Variants in DPYD observed in about 807,000 individuals in gnomAD.
DPYD encodes dihydropyrimidine dehydrogenase, also known as dihydropyrimidine dehydrogenase [NADP(+)].
Under a neutral mutation model 116.2 loss-of-function variants are expected in DPYD, and 109 were observed. The observed-to-expected ratio is 0.94, with a 90% CI of 0.80 to 1.10. The LOEUF is 1.10. DPYD is among the 50% of genes least tolerant of loss of function. The pLI, the probability that DPYD is intolerant of heterozygous loss-of-function variation, is 0.00. For synonymous variants in DPYD, 440 were observed against 432.0 expected, an observed-to-expected ratio of 1.02 and a Z score of -0.23; for missense variants, 1,302 against 1,254.5, an observed-to-expected ratio of 1.04 and a Z score of -0.57.
intron 4 of DPYD, among the ~76,000 whole-genome samples, chr1:97,738,509 T>C (rs149287603): frequency 1.1e-3 from 167 of 152,224 alleles, no homozygotes; most frequent in African/African-American, 3.8e-3. Flanking sequence ...GTCTGGCGAT[T>C]CAATTACCCT....
intron 3 of DPYD, among the ~76,000 whole-genome samples, chr1:97,766,934 T>C (rs992452482): frequency 6.6e-6 from 1 of 152,032 alleles, no homozygotes; most frequent in African/African-American, 2.4e-5. Context: ...ACTACGAAGG[T>C]CATCATAGAG....
intron 10 of DPYD, 129 bp from the exon 11 acceptor site, chr1:97,574,099 A>T (rs1249712404): frequency 1.4e-6 from 2 of 1,464,084 alleles, no homozygotes; most frequent in East Asian, 5.0e-5. Context: ...TCTTTCACCA[A>T]ACCTGAGTTT....
intron 14 of DPYD, among the ~76,000 whole-genome samples, chr1:97,412,035 G>A (rs900463450): frequency 6.6e-6 from 1 of 152,130 alleles, no homozygotes; most frequent in Non-Finnish European, 1.5e-5. Flanking sequence ...TATTTACAAT[G>A]CATGCAAAGG....
intron 14 of DPYD, among the ~76,000 whole-genome samples, chr1:97,395,050 C>A (rs1192058260): frequency 3.3e-5 from 5 of 151,902 alleles, no homozygotes; most frequent in African/African-American, 1.2e-4. Context: ...GTAGACATTG[C>A]CTTCTGGGAT....
intron 14 of DPYD, among the ~76,000 whole-genome samples, chr1:97,440,880 T>C (rs1264073117): frequency 6.6e-6 from 1 of 152,216 alleles, no homozygotes; most frequent in African/African-American, 2.4e-5. Flanking sequence ...TTACGCAGTG[T>C]AGACCTCCTT....
intron 8 of DPYD, among the ~76,000 whole-genome samples, chr1:97,638,979 T>C (rs550010173): frequency 1.0e-3 from 157 of 152,270 alleles, no homozygotes; most frequent in Non-Finnish European, 1.9e-3. Flanking sequence ...GATGGTATCA[T>C]AACGGTTTCA....
chr1:97,306,907 C>T (rs1373889448), intron 16 of DPYD, among the ~76,000 whole-genome samples: 1 of 151,868 alleles, frequency 6.6e-6, no homozygotes, highest in East Asian at 1.9e-4. Context: ...AAGATCTGTG[C>T]AGCATTTTCA....
chr1:97,593,356 C>T lies in DPYD; in HGVS notation c.990G>A (p.Ser330=), dbSNP rs1441537394. 1.3e-5 allele frequency: 21 copies of T among 1,613,998 alleles called. No individual in the cohort carries two copies. Among genetic ancestry groups the T allele is most frequent in the Middle Eastern group, 1.6e-4 (1 of 6,084 alleles). Reference sequence around the variant, plus strand: ...CAAGTACAATCACGACTCCCCGTATCGATGGCAATGGAGAGTGACAGGCGC... The same window carrying T: ...CAAGTACAATCACGACTCCCCGTATTGATGGCAATGGAGAGTGACAGGCGC... ...GMCACHSPLP[S]IRGVVIVLGA... Residue 330 remains serine (S), a synonymous_variant, in exon 10 of 23, where the codon TCG becomes TCA. Transcript: ENST00000370192.
intron 4 of DPYD, among the ~76,000 whole-genome samples, chr1:97,730,199 C>A (rs1220309999): frequency 1.3e-5 from 2 of 152,032 alleles, no homozygotes; most frequent in Non-Finnish European, 2.9e-5. Flanking sequence ...ATATATAATA[C>A]TAGAAACTGA....
intron 12 of DPYD, chr1:97,545,724 G>T: frequency 7.9e-7 from 1 of 1,267,378 alleles, no homozygotes; most frequent in Non-Finnish European, 1.1e-6. Flanking sequence ...TAATGGCCCC[G>T]AACCGTGAAG....
intron 18 of DPYD, among the ~76,000 whole-genome samples, chr1:97,267,580 C>A (rs1664317874): frequency 6.6e-6 from 1 of 152,072 alleles, no homozygotes; most frequent in Non-Finnish European, 1.5e-5. Flanking sequence ...ATTGAACTGG[C>A]AGCCTCAAGC....
chr1:97,230,007 A>C (rs1231723024), intron 19 of DPYD, among the ~76,000 whole-genome samples: 1 of 152,176 alleles, frequency 6.6e-6, no homozygotes, highest in Non-Finnish European at 1.5e-5. Flanking sequence ...AAACTCATTC[A>C]ACCAAAATTT....
intron 10 of DPYD, among the ~76,000 whole-genome samples, chr1:97,585,337 C>A (rs1318485477): frequency 1.3e-5 from 2 of 152,136 alleles, no homozygotes; most frequent in South Asian, 2.1e-4. Flanking sequence ...ACTAAGGAAG[C>A]CTTCAAGAGA....
intron 7 of DPYD, among the ~76,000 whole-genome samples, chr1:97,688,713 T>A (rs1019209634): frequency 6.6e-6 from 1 of 152,206 alleles, no homozygotes; most frequent in Admixed American, 6.5e-5. Flanking sequence ...AAACTTGTAA[T>A]GGTAACAACA....
chr1:97,431,556 T>G (rs911103965), intron 14 of DPYD, among the ~76,000 whole-genome samples: 4 of 152,152 alleles, frequency 2.6e-5, no homozygotes, highest in African/African-American at 4.8e-5. Context: ...TTTGGGGAAT[T>G]TCTTTCAATA....
intron 12 of DPYD, among the ~76,000 whole-genome samples, chr1:97,543,694 AT>A (rs1650618625): frequency 7.9e-6 from 1 of 126,036 alleles, no homozygotes; most frequent in African/African-American, 2.8e-5. Context: ...TAATGAACTT[AT>A]CATATAACAA....
chr1:97,577,293 G>A (rs2102196337), intron 10 of DPYD, among the ~76,000 whole-genome samples: 2 of 152,230 alleles, frequency 1.3e-5, no homozygotes, highest in South Asian at 2.1e-4. Flanking sequence ...CCTGCTCCCT[G>A]ATCACCACAT....
At chr1:97,323,347 T>C (rs200131219) in intron 16 of DPYD, among the ~76,000 whole-genome samples, 3 of 129,104 alleles carry the variant, frequency 2.3e-5, no homozygotes, top group African/African-American at 8.3e-5. Context: ...TATATATACA[T>C]GTGTATATGT....
At chr1:97,278,533 C>T (rs1665101869) in intron 18 of DPYD, among the ~76,000 whole-genome samples, 1 of 152,172 alleles carries the variant, frequency 6.6e-6, no homozygotes, top group South Asian at 2.1e-4. Flanking sequence ...TTTAAAAAGT[C>T]ACAGATCAGA....
Sources: allele counts gnomAD v4.1 joint callset (sites outside exome capture counted in the v4.1 genomes callset), GRCh38; gene constraint gnomAD v4.1.1; transcripts MANE v1.5; gene names NCBI Gene and HGNC (gene_info 2026-07-23, HGNC 2026-07-21).